The following DVL1 variants were observed in gnomAD, a reference collection of about 807,000 sequenced individuals.
DVL1 encodes segment polarity protein dishevelled homolog DVL-1.
In DVL1, 49 loss-of-function variants were observed where a neutral mutation model predicts 65.0. The observed-to-expected ratio is 0.75, with a 90% CI of 0.60 to 0.96. DVL1 has a LOEUF of 0.96. Ranked by LOEUF, DVL1 falls within the 40% of genes least tolerant of loss-of-function variation. DVL1 has a pLI of 0.00. For synonymous variants in DVL1, 608 were observed against 433.9 expected (o/e 1.40, Z -4.99); for missense variants, 1,197 against 1,045.4 (o/e 1.15, Z -2.00).
In DVL1 at chr1:1,338,564, C is replaced by T. The variant is rs757900986; in HGVS notation, c.1297G>A (p.Asp433Asn). 7 of 1,612,558 alleles carry T rather than the reference C, an allele frequency of 4.3e-6. No individual in the cohort carries two copies. The highest frequency in any genetic ancestry group is 4.5e-5 in the East Asian group (2 of 44,878). The change falls in exon 12 of 15, where the codon GAC (aspartate) becomes AAC (asparagine). Residue 433 changes from aspartate (D) to asparagine (N), a missense_variant. Asp to Asn is a conservative substitution (Grantham distance 23, BLOSUM62 1). Coordinates refer to ENST00000378888, the MANE Select transcript of DVL1 (RefSeq NM_001330311.2). ...ATGGTGATCTTGAGCCACATGCGGT[C>T]GCGGATCTCCAGTCCCGAGTCTGGC... ...QLPDSGLEIR[D>N]RMWLKITIAN...
chr1:1,337,558 G>A (rs1341749117), intron 14 of DVL1, among the ~76,000 whole-genome samples: 2 of 152,186 alleles, frequency 1.3e-5, no homozygotes, highest in Admixed American at 6.5e-5. Context: ...CATGGCCCAT[G>A]GCCACATGGT....
In DVL1 at chr1:1,340,268, C is replaced by T. The variant is rs1140336; in HGVS notation, c.748G>A (p.Val250Ile). Residue 250 changes from valine (V) to isoleucine (I), a missense_variant, in exon 7 of 15, where the codon GTC becomes ATC. Transcript: ENST00000378888. Reference protein sequence around the residue: ...ITDSTMSLNIVTVTLNMERHH... With the variant: ...ITDSTMSLNIITVTLNMERHH... ...TCACCCATGTTGAGCGTGACAGTGACGATGTTGAGGGACATGGTGGAGTCG... is the reference window on the plus strand; with the variant it reads ...TCACCCATGTTGAGCGTGACAGTGATGATGTTGAGGGACATGGTGGAGTCG... 6.8e-6 allele frequency: 11 copies of T among 1,613,996 alleles called. No homozygotes were observed. The highest frequency in any genetic ancestry group is 4.0e-5 in the African/African-American group (3 of 75,050).
chr1:1,349,042 G>A lies in DVL1; in HGVS notation c.24C>T (p.Tyr8=), dbSNP rs1293233109. Residue 8 remains tyrosine (Y), a synonymous_variant, in exon 1 of 15, where the codon TAC becomes TAT. Coordinates refer to ENST00000378888, the MANE Select transcript of DVL1 (RefSeq NM_001330311.2). The surrounding 1 kb of genome is among the most constrained non-coding windows in gnomAD (Gnocchi z 4.1). ...ACGGCGTCTCCTCCTCGTCCATGTG[G>A]TAGATAATCTTGGTCTCCGCCATGG... MAETKII[Y]HMDEEETPYL... The A allele has an allele frequency of 9.7e-6, 15 of 1,546,202 alleles. No homozygotes were observed. The highest frequency in any genetic ancestry group is 1.7e-4 in the Middle Eastern group (1 of 5,762).
Position 1,340,482 on chromosome 1 carries a change from C to A in DVL1, c.627G>T (p.Gln209His). 1 of 1,608,806 alleles carries A rather than the reference C, an allele frequency of 6.2e-7. No individual in the cohort carries two copies. The highest frequency in any genetic ancestry group is 8.5e-7 in the Non-Finnish European group (1 of 1,177,966). Residue 209 changes from glutamine to histidine, a missense_variant, in exon 6 of 15, where the codon CAG becomes CAT. By Grantham distance (24) the Gln-to-His change is conservative. Transcript: ENST00000378888. ...TCCGGATGAGTCTGGATGAGGTGCT[C>A]TGCTCCGTGGAGCTGCTGAGCCTGG... Reference protein sequence around the residue: ...STSRLSSSTEQSTSSRLIRKH... With the variant: ...STSRLSSSTEHSTSSRLIRKH...
chr1:1,347,767 G>T (rs777416414), intron 1 of DVL1, among the ~76,000 whole-genome samples: 1 of 152,182 alleles, frequency 6.6e-6, no homozygotes, highest in African/African-American at 2.4e-5. Context: ...CAACCTGACC[G>T]GAGCGGGCAG....
rs370564150 is a variant in DVL1 at position 1,336,644 on chromosome 1, T to A, written c.1715-129A>T. Reference sequence around the variant, plus strand: ...GCAGGACGGGTGGGTGGGGCAGCCATGCAGGCGCGAGGACAGGGCCGGCAC... The same window carrying A: ...GCAGGACGGGTGGGTGGGGCAGCCAAGCAGGCGCGAGGACAGGGCCGGCAC... On this transcript the variant is annotated intron_variant, in intron 14 of 14. Transcript: ENST00000378888. 2 of 1,266,554 alleles carry A rather than the reference T, an allele frequency of 1.6e-6. 1 individual carries two copies. The allele number at this position is 1,266,554 out of a possible 1,614,324, so 78.5% of individuals were successfully genotyped here. A position where few individuals can be genotyped will look rare whatever the true frequency, so the allele number is the denominator to read the frequency against.
At chr1:1,346,911 G>A (rs907192152) in intron 1 of DVL1, among the ~76,000 whole-genome samples, 1 of 152,180 alleles carries the variant, frequency 6.6e-6, no homozygotes, top group Non-Finnish European at 1.5e-5. Context: ...TTCAGCAGTC[G>A]CTTAAGCTAA....
intron 1 of DVL1, among the ~76,000 whole-genome samples, chr1:1,347,119 G>A (rs976590534): frequency 1.3e-4 from 20 of 152,190 alleles, no homozygotes; most frequent in South Asian, 8.3e-4. Flanking sequence ...GAGGACCTGG[G>A]AGGCTACAGA....
At chr1:1,340,867 G>T (rs549271397) in intron 5 of DVL1, among the ~76,000 whole-genome samples, 1 of 120,924 alleles carries the variant, frequency 8.3e-6, no homozygotes. Flanking sequence ...GCACCCCTGC[G>T]CACAGGCACA....
intron 1 of DVL1, among the ~76,000 whole-genome samples, chr1:1,347,747 C>A (rs2100775283): frequency 6.6e-6 from 1 of 152,338 alleles, no homozygotes; most frequent in Admixed American, 6.5e-5. Flanking sequence ...ACAAACCGCC[C>A]CCTCCTGCCC....
intron 5 of DVL1, 162 bp from the exon 6 acceptor site, chr1:1,340,665 G>A (rs556212540): frequency 1.1e-5 from 3 of 263,244 alleles, no homozygotes; most frequent in African/African-American, 4.6e-5. Context: ...CACGTGATAT[G>A]CATATGAGCA....
At chr1:1,337,832 AAGCAGGGCGGAGCAGC>A in intron 14 of DVL1, 129 bp downstream of exon 14, 1 of 748,310 alleles carries the variant, frequency 1.3e-6, no homozygotes, top group Non-Finnish European at 2.3e-6. Context: ...GTCAGCAGAG[AAGCAGGGCGGAGCAGC>A]AGCGGGGTGG....
chr1:1,341,787 T>TA lies in DVL1; in HGVS notation c.484_485insT (p.His162LeufsTer26). On this transcript the variant is annotated frameshift_variant, in exon 5 of 15. Coordinates refer to ENST00000378888, the MANE Select transcript of DVL1 (RefSeq NM_001330311.2). LOFTEE classifies it high-confidence loss of function. ...ATCCCGCCGTCGGTCTCCCCTTGGG[T>TA]GCCCATTGGTCCGGGCGGCTGTGGG... 6.3e-7 allele frequency: 1 copy of TA among 1,594,194 alleles called. No individual in the cohort carries two copies. The highest frequency in any genetic ancestry group is 8.6e-7 in the Non-Finnish European group (1 of 1,168,308).
At position 1,349,065 on chromosome 1, in the gene DVL1, T is replaced by TGGCGCGGCGGC. The variant is rs1282567529; in HGVS notation, c.-11_-1dup. 2 of 1,488,506 alleles carry TGGCGCGGCGGC rather than the reference T, an allele frequency of 1.3e-6. No homozygotes were observed. The highest frequency in any genetic ancestry group is 9.0e-7 in the Non-Finnish European group (1 of 1,111,762). The allele number at this position is 1,488,506 out of a possible 1,614,324, so 92.2% of individuals were successfully genotyped here. A position where few individuals can be genotyped will look rare whatever the true frequency, so the allele number is the denominator to read the frequency against. ...TGGTAGATAATCTTGGTCTCCGCCA[T>TGGCGCGGCGGC]GGCGCGGCGGCGGCGCGGAGCCCGC... On this transcript the variant is annotated 5_prime_UTR_variant, in exon 1 of 15. Coordinates refer to ENST00000378888, the MANE Select transcript of DVL1 (RefSeq NM_001330311.2). The surrounding 1 kb of genome is among the most constrained non-coding windows in gnomAD (Gnocchi z 4.1).
intron 5 of DVL1, among the ~76,000 whole-genome samples, chr1:1,340,819 C>A (rs1381953271): frequency 7.8e-6 from 1 of 128,938 alleles, no homozygotes; most frequent in Non-Finnish European, 1.5e-5. Flanking sequence ...ATGCACACAC[C>A]TGCACACACA....
At position 1,335,913 on chromosome 1, in the gene DVL1, C is replaced by T. The variant is rs1044618884; in HGVS notation, c.*229G>A. 1.1e-4 allele frequency: 70 copies of T among 608,972 alleles called. No individual in the cohort carries two copies. The highest frequency in any genetic ancestry group is 1.4e-4 in the Non-Finnish European group (50 of 348,996). 37.7% of individuals were successfully genotyped at this position (608,972 alleles called of 1,614,324 possible). On this transcript the variant is annotated 3_prime_UTR_variant, in exon 15 of 15. Transcript: ENST00000378888. The stretch of plus-strand genomic sequence containing the variant: ...ACCAGACACAAGGGGTTGGGAGGTC[C>T]GAGGCTCTCGCTGAGGGGCAGAGAG...
At chr1:1,341,420 C>T (rs1229336514) in intron 5 of DVL1, among the ~76,000 whole-genome samples, 2 of 152,070 alleles carry the variant, frequency 1.3e-5, no homozygotes, top group South Asian at 2.1e-4. Flanking sequence ...CAGACACGTG[C>T]ATCATGTACA....
At chr1:1,348,384 T>C (rs1158807434) in intron 1 of DVL1, among the ~76,000 whole-genome samples, 1 of 152,172 alleles carries the variant, frequency 6.6e-6, no homozygotes, top group African/African-American at 2.4e-5. Flanking sequence ...TGGTCACCAG[T>C]GGCCCTTGAC....
At chr1:1,336,618 T>C in intron 14 of DVL1, 103 bp from the exon 15 acceptor site, 1 of 1,406,918 alleles carries the variant, frequency 7.1e-7, no homozygotes, top group Non-Finnish European at 9.3e-7. Flanking sequence ...CGGTGGCCCG[T>C]GCAGGACGGG....
Sources: gnomAD v4.1 joint callset for allele counts (sites outside exome capture counted in the v4.1 genomes callset) on GRCh38, gnomAD v4.1.1 for gene constraint, Gnocchi (gnomAD v3.1) non-coding constraint, MANE v1.5 for transcripts, NCBI Gene and HGNC (gene_info 2026-07-23, HGNC 2026-07-21) for gene names.